CNIH3: variants seen among roughly 807,000 people sequenced by gnomAD.
The protein encoded by CNIH3 is cornichon family AMPA receptor auxiliary protein 3, also known as protein cornichon homolog 3.
In CNIH3, 14 loss-of-function variants were observed where a neutral mutation model predicts 24.1. That is an observed-to-expected ratio of 0.58 (90% CI 0.38 to 0.91). The LOEUF is 0.91. CNIH3 is among the 40% of genes least tolerant of loss of function. The probability of loss-of-function intolerance (pLI) is 0.00; values close to 1 mark genes in which losing one functional copy is unlikely to be tolerated. For missense variants in CNIH3, 178 were observed against 196.8 expected, an observed-to-expected ratio of 0.90 and a Z score of 0.57; for synonymous variants, 68 against 73.8, an observed-to-expected ratio of 0.92 and a Z score of 0.40.
At chr1:224,626,104 G>C (rs1448623239) in intron 1 of CNIH3, among the ~76,000 whole-genome samples, 1 of 152,146 alleles carries the variant, frequency 6.6e-6, no homozygotes, top group Non-Finnish European at 1.5e-5. Context: ...AGGACCTGGA[G>C]GGTCTTTAGA....
At chr1:224,584,788 T>A (rs1168521969) in intron 5 of CNIH3, among the ~76,000 whole-genome samples, 1 of 152,206 alleles carries the variant, frequency 6.6e-6, no homozygotes, top group Non-Finnish European at 1.5e-5. Context: ...GACTATGTAG[T>A]GTTTTCCCCA....
At chr1:224,449,797 G>A (rs1675315492) in intron 1 of CNIH3, among the ~76,000 whole-genome samples, 1 of 152,048 alleles carries the variant, frequency 6.6e-6, no homozygotes, top group South Asian at 2.1e-4. Flanking sequence ...CTTAAGAACT[G>A]GCCAATACCT....
intron 1 of CNIH3, among the ~76,000 whole-genome samples, chr1:224,453,449 A>G (rs755045237): frequency 3.3e-5 from 5 of 151,750 alleles, no homozygotes; most frequent in Non-Finnish European, 7.4e-5. Context: ...TGGCCTCCCA[A>G]AGTGTTGGGG....
intron 1 of CNIH3, among the ~76,000 whole-genome samples, chr1:224,445,833 A>G (rs1038934348): frequency 6.6e-6 from 1 of 152,194 alleles, no homozygotes; most frequent in Non-Finnish European, 1.5e-5. Context: ...CCTCAAGGGC[A>G]TAAATATATT....
chr1:224,573,789 G>C (rs1017096756), intron 4 of CNIH3, among the ~76,000 whole-genome samples: 25 of 152,178 alleles, frequency 1.6e-4, no homozygotes, highest in African/African-American at 6.0e-4. Context: ...GGAAATGTGT[G>C]ATAAAAAGGT....
upstream of CNIH3, among the ~76,000 whole-genome samples, chr1:224,511,472 G>T (rs1216073929): frequency 6.6e-6 from 1 of 152,230 alleles, no homozygotes; most frequent in Non-Finnish European, 1.5e-5. Context: ...ATCACAAAGT[G>T]GGTAGACTGG....
intron 2 of CNIH3, chr1:224,529,047 G>C (rs1678957029): frequency 6.6e-6 from 1 of 152,256 alleles, no homozygotes; most frequent in Non-Finnish European, 1.5e-5. Flanking sequence ...GATGGACACT[G>C]TGAGGGCGAG....
intron 1 of CNIH3, among the ~76,000 whole-genome samples, chr1:224,482,382 AG>A (rs1181840585): frequency 1.3e-5 from 2 of 152,040 alleles, no homozygotes; most frequent in Non-Finnish European, 2.9e-5. Flanking sequence ...GTCTAACCCA[AG>A]GCCCTCAGTA....
At chr1:224,614,936 C>CAAATACATAAAT (rs1682876506), upstream of CNIH3, among the ~76,000 whole-genome samples, 1 of 146,700 alleles carries the variant, frequency 6.8e-6, no homozygotes, top group Non-Finnish European at 1.5e-5. Flanking sequence ...GAGACTCCGT[C>CAAATACATAAAT]AAATAAATAA....
Position 224,563,784 on chromosome 1 carries a change from G to A in CNIH3, n.451-2415G>A, listed in dbSNP as rs146023419. ...TTTAAAAGAACCAGATGGTTCAAAG[G>A]AATTTCTAATTTTATACTGTTGGGC... On this transcript the variant is annotated intron_variant and non_coding_transcript_variant, in intron 3 of 5. Transcript: ENST00000471578. Among the ~76,000 whole-genome samples the A allele has an allele frequency of 3.6e-3, 544 of 152,234 alleles. 4 individuals carry two copies. The highest frequency in any genetic ancestry group is 0.027 in the Middle Eastern group (8 of 294).
At chr1:224,612,500 CAGAAGG>C (rs967621453), upstream of CNIH3, among the ~76,000 whole-genome samples, 3 of 152,046 alleles carry the variant, frequency 2.0e-5, no homozygotes, top group Non-Finnish European at 4.4e-5. This position sits in a 1 kb window ranked among gnomAD's most constrained non-coding sequence, Gnocchi z 4.7. Context: ...ACTTGGGATC[CAGAAGG>C]ACAGCTCCAT....
chr1:224,565,757 C>G (rs1224777004), intron 3 of CNIH3: 1 of 152,540 alleles, frequency 6.6e-6, no homozygotes, highest in Non-Finnish European at 1.5e-5. Context: ...GCCCCTGCTT[C>G]TCCTGTACAC....
At chr1:224,719,351 C>T (rs1688596252) in intron 3 of CNIH3, among the ~76,000 whole-genome samples, 1 of 152,098 alleles carries the variant, frequency 6.6e-6, no homozygotes, top group African/African-American at 2.4e-5. Flanking sequence ...CTCCCCAGAA[C>T]ACATGGTGTT....
chr1:224,568,929 A>G (rs1680700261), intron 4 of CNIH3, among the ~76,000 whole-genome samples: 1 of 151,992 alleles, frequency 6.6e-6, no homozygotes, highest in African/African-American at 2.4e-5. Context: ...CTGAAGTACA[A>G]TGGAGCGATC....
intron 3 of CNIH3, among the ~76,000 whole-genome samples, chr1:224,729,073 G>T (rs1689182216): frequency 6.6e-6 from 1 of 152,086 alleles, no homozygotes; most frequent in South Asian, 2.1e-4. Context: ...AGGTACAGGG[G>T]AGGGTGGAGG....
At chr1:224,642,955 G>A (rs1684430553) in intron 1 of CNIH3, among the ~76,000 whole-genome samples, 1 of 152,180 alleles carries the variant, frequency 6.6e-6, no homozygotes, top group East Asian at 1.9e-4. Context: ...AAAGGAGAGT[G>A]CATTGTATCT....
intron 3 of CNIH3, among the ~76,000 whole-genome samples, chr1:224,685,086 T>A (rs1686590217): frequency 6.6e-6 from 1 of 152,210 alleles, no homozygotes; most frequent in Non-Finnish European, 1.5e-5. Context: ...TATTTGCAAG[T>A]ACCCTCTGGT....
At chr1:224,470,997 TA>T (rs1171749624) in intron 1 of CNIH3, among the ~76,000 whole-genome samples, 1 of 152,362 alleles carries the variant, frequency 6.6e-6, no homozygotes, top group Non-Finnish European at 1.5e-5. Context: ...ACAATTAAAT[TA>T]TTTTTTACTA....
intron 1 of CNIH3, among the ~76,000 whole-genome samples, chr1:224,482,722 C>T (rs2124823915): frequency 6.6e-6 from 1 of 152,166 alleles, no homozygotes; most frequent in South Asian, 2.1e-4. Context: ...AGAGGTGATG[C>T]AAGCACTCCC....
Sources: gnomAD v4.1 joint callset for allele counts (sites outside exome capture counted in the v4.1 genomes callset) on GRCh38, gnomAD v4.1.1 for gene constraint, Gnocchi (gnomAD v3.1) non-coding constraint, MANE v1.5 for transcripts, NCBI Gene and HGNC (gene_info 2026-07-23, HGNC 2026-07-21) for gene names.